Variants in TRAK1 observed in about 807,000 individuals in gnomAD.
TRAK1 encodes the protein trafficking kinesin protein 1.
In TRAK1, 33 loss-of-function variants were observed where a neutral mutation model predicts 92.1. That is an observed-to-expected ratio of 0.36 (90% CI 0.27 to 0.48). The LOEUF is 0.48. TRAK1 is among the 20% of genes least tolerant of loss of function. The pLI, the probability that TRAK1 is intolerant of heterozygous loss-of-function variation, is 0.99. For missense variants in TRAK1, 1,123 were observed against 1,257.9 expected (o/e 0.89, Z 1.62); for synonymous variants, 521 against 517.3 (o/e 1.01, Z -0.10).
chr3:42,191,777 A>G (rs1267086200), intron 7 of TRAK1, 141 bp downstream of exon 7: 17 of 755,788 alleles, frequency 2.2e-5, no homozygotes, highest in East Asian at 8.8e-5. Flanking sequence ...GGCCTCCCCA[A>G]CCTTGTGTGG....
chr3:42,091,982 C>G (rs1705135603), intron 1 of TRAK1, among the ~76,000 whole-genome samples: 1 of 152,160 alleles, frequency 6.6e-6, no homozygotes. Context: ...TGTCTTTATC[C>G]TGATTTCTTA....
chr3:42,162,336 CTCTT>C (rs1701361584), intron 2 of TRAK1, among the ~76,000 whole-genome samples: 1 of 151,618 alleles, frequency 6.6e-6, no homozygotes, highest in South Asian at 2.1e-4. Flanking sequence ...GAGAGACCCT[CTCTT>C]TCTCTCTCTC....
chr3:42,084,844 T>A (rs1489944280), upstream of TRAK1, among the ~76,000 whole-genome samples: 1 of 152,144 alleles, frequency 6.6e-6, no homozygotes. Flanking sequence ...TATCTACATG[T>A]TGTTTTGCAG....
At position 42,200,884 on chromosome 3, in the gene TRAK1, C is replaced by T. The variant is rs1250319162; in HGVS notation, c.1257C>T (p.Thr419=). 1.9e-6 allele frequency: 3 copies of T among 1,613,992 alleles called. No homozygotes were observed. Among genetic ancestry groups the T allele is most frequent in the African/African-American group, 1.3e-5 (1 of 74,872 alleles). Residue 419 remains threonine (T), a synonymous_variant, in exon 12 of 16, where the codon ACC becomes ACT. Transcript: ENST00000327628. ...INQVVKQRSL[T]PSPMNIPGSN... The stretch of plus-strand genomic sequence containing the variant: ...AGGTTGTCAAGCAGAGATCTCTGAC[C>T]CCTTCTCCCATGAACATCCCCGGCT...
intron 6 of TRAK1, among the ~76,000 whole-genome samples, chr3:42,190,381 C>T (rs952130831): frequency 6.6e-6 from 1 of 152,174 alleles, no homozygotes; most frequent in African/African-American, 2.4e-5. Context: ...ACAAGATGCT[C>T]TTCTGCACAT....
At chr3:42,038,498 TG>T (rs1468919270) in intron 1 of TRAK1, among the ~76,000 whole-genome samples, 1 of 152,152 alleles carries the variant, frequency 6.6e-6, no homozygotes, top group African/African-American at 2.4e-5. Flanking sequence ...AAAAATTTTT[TG>T]TAGCGGCCAG....
chr3:42,093,054 A>C (rs192478231), intron 1 of TRAK1, among the ~76,000 whole-genome samples: 1 of 152,310 alleles, frequency 6.6e-6, no homozygotes, highest in African/African-American at 2.4e-5. Flanking sequence ...TTTCTATTGA[A>C]AATTTATAAT....
At position 42,091,405 on chromosome 3, in the gene TRAK1, C is replaced by T. The variant is rs377715729; in HGVS notation, c.-65C>T. The stretch of plus-strand genomic sequence containing the variant: ...GGAGGGTGGCTGTGCGAGGTACTGC[C>T]GGGGCTGAGCTCTCATGGAGGCTCT... On this transcript the variant is annotated 5_prime_UTR_variant, in exon 1 of 16. Coordinates refer to ENST00000327628, the MANE Select transcript of TRAK1 (RefSeq NM_001042646.3). The T allele has an allele frequency of 6.6e-5, 99 of 1,493,276 alleles. No individual in the cohort carries two copies. The highest frequency in any genetic ancestry group is 1.7e-4 in the Middle Eastern group (1 of 5,868). 92.5% of individuals were successfully genotyped at this position (1,493,276 alleles called of 1,614,324 possible). A position where few individuals can be genotyped will look rare whatever the true frequency, so the allele number is the denominator to read the frequency against.
intron 13 of TRAK1, among the ~76,000 whole-genome samples, chr3:42,206,392 G>A (rs1708337166): frequency 6.6e-6 from 1 of 152,302 alleles, no homozygotes; most frequent in South Asian, 2.1e-4. Flanking sequence ...CCATTCAGTT[G>A]TGTTATTGAC....
chr3:42,023,106 C>T (rs373275903), intron 1 of TRAK1, among the ~76,000 whole-genome samples: 31 of 129,976 alleles, frequency 2.4e-4, no homozygotes, highest in Non-Finnish European at 4.4e-4. Flanking sequence ...TGCAGTGAGC[C>T]GAGATTGCGC....
At chr3:42,217,118 AG>A in intron 14 of TRAK1, 2 of 133,836 alleles carry the variant, frequency 1.5e-5, no homozygotes, top group Non-Finnish European at 2.5e-5. Context: ...TTTTTTTTTT[AG>A]AACTTGCTCT....
intron 1 of TRAK1, among the ~76,000 whole-genome samples, chr3:42,054,916 T>TTTTTTTTG (rs1703138669): frequency 8.6e-6 from 1 of 116,894 alleles, no homozygotes; most frequent in Non-Finnish European, 1.7e-5. Flanking sequence ...TTTTTTTTTT[T>TTTTTTTTG]TTTTTTTTTT....
At chr3:42,017,102 C>T (rs115702638) in intron 1 of TRAK1, among the ~76,000 whole-genome samples, 25,141 of 152,008 alleles carry the variant, frequency 0.17, 2,164 homozygotes, top group Middle Eastern at 0.32. Context: ...TCTACTAAAA[C>T]ACAAAAAAAG....
rs372698529 is a variant in TRAK1, at chr3:42,223,754, G to A, written c.*17G>A. The A allele has an allele frequency of 1.3e-5, 20 of 1,586,128 alleles. No individual in the cohort carries two copies. Among genetic ancestry groups the A allele is most frequent in the African/African-American group, 6.7e-5 (5 of 74,354 alleles). On this transcript the variant is annotated 3_prime_UTR_variant, in exon 16 of 16. Coordinates refer to ENST00000327628, the MANE Select transcript of TRAK1 (RefSeq NM_001042646.3). The surrounding 1 kb of genome is among the most constrained non-coding windows in gnomAD (Gnocchi z 6.1). ...TTACGGTGAGGACTGGAGGGGGGCC[G>A]GTTGCCCTAGAGGAGACCCACGTTC...
chr3:42,063,740 G>A lies in TRAK1; in HGVS notation c.-518-23364G>A, dbSNP rs77394677. On this transcript the variant is annotated intron_variant, in intron 1 of 16. Transcript: ENST00000487159. ...ACACAGTGAAAAAAGCATATGTGCC[G>A]GGGCAGCCCAGCTGTGCCTTATTGT... is the stretch of plus-strand genomic sequence containing the variant. Among the ~76,000 whole-genome samples, 103 of 151,548 alleles carry A rather than the reference G, an allele frequency of 6.8e-4. 2 individuals are homozygous for A. In the East Asian group the frequency reaches 0.019, roughly 28 times the overall value.
chr3:42,134,617 C>T (rs111445106), intron 2 of TRAK1, among the ~76,000 whole-genome samples: 343 of 114,358 alleles, frequency 3.0e-3, no homozygotes, highest in Middle Eastern at 0.01. Context: ...GACAGAGTCT[C>T]GCTCTGTTGC....
rs780733001 is a variant in TRAK1, at chr3:42,224,007, G to A, written c.*270G>A. 31 of 616,072 alleles carry A rather than the reference G, an allele frequency of 5.0e-5. No homozygotes were observed. The highest frequency in any genetic ancestry group is 2.5e-4 in the African/African-American group (14 of 55,028). 38.2% of individuals were successfully genotyped at this position (616,072 alleles called of 1,614,324 possible). On this transcript the variant is annotated 3_prime_UTR_variant, in exon 16 of 16. Coordinates refer to ENST00000327628, the MANE Select transcript of TRAK1 (RefSeq NM_001042646.3). ...GCACTGTCATCACTCTCACGAGGAC[G>A]TCACCTGTGCTAACCTGGGGGAAGG... is the stretch of plus-strand genomic sequence containing the variant.
At chr3:42,174,329 T>C (rs979292342) in intron 2 of TRAK1, among the ~76,000 whole-genome samples, 1 of 152,220 alleles carries the variant, frequency 6.6e-6, no homozygotes, top group Non-Finnish European at 1.5e-5. Context: ...TAAAATTACA[T>C]AGAGCTTAAT....
intron 2 of TRAK1, among the ~76,000 whole-genome samples, chr3:42,131,091 G>C (rs1000080025): frequency 3.9e-5 from 6 of 152,234 alleles, no homozygotes; most frequent in South Asian, 2.1e-4. Context: ...CTCATGCAGG[G>C]CTCATCCCAG....
Sources: gnomAD v4.1 joint callset for allele counts (sites outside exome capture counted in the v4.1 genomes callset) on GRCh38, gnomAD v4.1.1 for gene constraint, Gnocchi (gnomAD v3.1) non-coding constraint, MANE v1.5 for transcripts, NCBI Gene and HGNC (gene_info 2026-07-23, HGNC 2026-07-21) for gene names.